DSCAM: variants seen among roughly 807,000 people sequenced by gnomAD.
The protein encoded by DSCAM is DS cell adhesion molecule, also known as cell adhesion molecule DSCAM.
Under a neutral mutation model 217.7 loss-of-function variants are expected in DSCAM, and 47 were observed. The observed-to-expected ratio is 0.22, with a 90% CI of 0.17 to 0.28. The LOEUF is 0.28. Among genes scored for constraint, DSCAM ranks in the 10% least tolerant of loss-of-function variants. DSCAM has a pLI of 1.00. For missense variants in DSCAM, 2,080 were observed against 2,618.3 expected, an observed-to-expected ratio of 0.79 and a Z score of 4.49; for synonymous variants, 1,056 against 1,015.3, an observed-to-expected ratio of 1.04 and a Z score of -0.76.
intron 3 of DSCAM, among the ~76,000 whole-genome samples, chr21:40,393,127 G>A (rs1601609413): frequency 1.3e-5 from 2 of 152,314 alleles, no homozygotes. Context: ...TTGGATGAAA[G>A]ATTTAGAATG....
chr21:40,158,033 C>T (rs1442969425), intron 16 of DSCAM, among the ~76,000 whole-genome samples: 2 of 152,146 alleles, frequency 1.3e-5, no homozygotes, highest in Non-Finnish European at 2.9e-5. Context: ...TTAGCCTTGA[C>T]TAAAGAGAAT....
At chr21:40,691,627 A>T (rs1474956959) in intron 3 of DSCAM, among the ~76,000 whole-genome samples, 1 of 152,258 alleles carries the variant, frequency 6.6e-6, no homozygotes, top group Non-Finnish European at 1.5e-5. Flanking sequence ...TGAGTTATTA[A>T]GCTTAGTATT....
intron 11 of DSCAM, among the ~76,000 whole-genome samples, chr21:40,239,439 T>A (rs1401464840): frequency 1.3e-5 from 2 of 152,096 alleles, no homozygotes; most frequent in Non-Finnish European, 2.9e-5. Context: ...CACTTTACTG[T>A]GCAAGAAGAA....
intron 1 of DSCAM, among the ~76,000 whole-genome samples, chr21:40,746,915 T>C (rs2091180371): frequency 6.6e-6 from 1 of 151,918 alleles, no homozygotes; most frequent in African/African-American, 2.4e-5. Flanking sequence ...AGAAGAAATG[T>C]TCAAAACTGT....
At chr21:40,121,162 T>C (rs1744641846) in intron 20 of DSCAM, among the ~76,000 whole-genome samples, 1 of 152,220 alleles carries the variant, frequency 6.6e-6, no homozygotes, top group African/African-American at 2.4e-5. Flanking sequence ...TAGCCAGAAA[T>C]GCAAATGCCT....
At chr21:40,350,696 A>G (rs907309406) in intron 5 of DSCAM, among the ~76,000 whole-genome samples, 3 of 151,982 alleles carry the variant, frequency 2.0e-5, no homozygotes, top group Non-Finnish European at 4.4e-5. Flanking sequence ...TAGAACTGAG[A>G]TCAGTCAGAA....
At chr21:40,778,920 A>G (rs757189031) in intron 1 of DSCAM, among the ~76,000 whole-genome samples, 36 of 150,046 alleles carry the variant, frequency 2.4e-4, no homozygotes, top group Non-Finnish European at 4.4e-4. Context: ...GCTACTCGGT[A>G]GGCTGAGGCA....
chr21:40,651,519 T>A (rs1286137079), intron 3 of DSCAM, among the ~76,000 whole-genome samples: 1 of 152,272 alleles, frequency 6.6e-6, no homozygotes, highest in Middle Eastern at 3.4e-3. Context: ...ATCTCGATTA[T>A]CTCATCAATA....
chr21:40,359,821 G>A (rs899926971), intron 4 of DSCAM, among the ~76,000 whole-genome samples: 2 of 152,154 alleles, frequency 1.3e-5, no homozygotes, highest in South Asian at 2.1e-4. Flanking sequence ...AAACGGGTAG[G>A]AGGAATCTTT....
intron 3 of DSCAM, among the ~76,000 whole-genome samples, chr21:40,558,984 T>G (rs1601743581): frequency 6.6e-6 from 1 of 152,344 alleles, no homozygotes; most frequent in East Asian, 1.9e-4. Flanking sequence ...TCACATTTTC[T>G]TCTGACAAAA....
chr21:40,412,712 G>A (rs545912650), intron 3 of DSCAM, among the ~76,000 whole-genome samples: 6 of 152,312 alleles, frequency 3.9e-5, no homozygotes, highest in South Asian at 4.1e-4. Context: ...ATCACCATGC[G>A]ATGGAAAAGA....
intron 14 of DSCAM, among the ~76,000 whole-genome samples, chr21:40,185,357 T>C (rs1406096726): frequency 6.6e-6 from 1 of 152,264 alleles, no homozygotes; most frequent in Admixed American, 6.5e-5. Context: ...ACAGGTGAGA[T>C]GCGCAAGCGA....
chr21:40,527,368 G>C (rs1404834077), intron 3 of DSCAM, among the ~76,000 whole-genome samples: 2 of 152,192 alleles, frequency 1.3e-5, no homozygotes, highest in African/African-American at 2.4e-5. Flanking sequence ...CACAGAATGT[G>C]AAAGAAGTTG....
At chr21:40,567,831 CA>C (rs1193523788) in intron 3 of DSCAM, among the ~76,000 whole-genome samples, 8 of 152,216 alleles carry the variant, frequency 5.3e-5, no homozygotes, top group Admixed American at 3.9e-4. Flanking sequence ...TGAAAATTAT[CA>C]GAAACACTAG....
intron 14 of DSCAM, among the ~76,000 whole-genome samples, chr21:40,183,316 G>C (rs1007034886): frequency 1.3e-4 from 20 of 152,312 alleles, no homozygotes; most frequent in African/African-American, 4.6e-4. Flanking sequence ...AGAAGCAGTA[G>C]TCCCTGGGAA....
At chr21:40,061,896 A>G (rs1001533337) in intron 28 of DSCAM, among the ~76,000 whole-genome samples, 1 of 152,214 alleles carries the variant, frequency 6.6e-6, no homozygotes, top group Non-Finnish European at 1.5e-5. Context: ...GGCAATGTTG[A>G]GTTCACTATC....
chr21:40,749,999 C>G (rs1355632595), intron 1 of DSCAM, among the ~76,000 whole-genome samples: 1 of 151,674 alleles, frequency 6.6e-6, no homozygotes, highest in African/African-American at 2.4e-5. Context: ...GTGATCTCAG[C>G]TCACTGGATC....
intron 11 of DSCAM, among the ~76,000 whole-genome samples, chr21:40,221,127 G>T (rs2091285631): frequency 6.6e-6 from 1 of 152,052 alleles, no homozygotes. Context: ...TTATTATTAT[G>T]CAAGAGTTGT....
At chr21:40,029,727 T>C (rs757957472) in intron 32 of DSCAM, among the ~76,000 whole-genome samples, 1 of 152,166 alleles carries the variant, frequency 6.6e-6, no homozygotes. Flanking sequence ...CTCTGAAGTC[T>C]GGGTATCTGT....
Sources: gnomAD v4.1 joint callset for allele counts (sites outside exome capture counted in the v4.1 genomes callset) on GRCh38, gnomAD v4.1.1 for gene constraint, MANE v1.5 for transcripts, NCBI Gene and HGNC (gene_info 2026-07-23, HGNC 2026-07-21) for gene names.